The following CDK20 variants were observed in gnomAD, a reference collection of about 807,000 sequenced individuals.
CDK20 encodes cyclin-dependent kinase 20.
Under a neutral mutation model 38.6 loss-of-function variants are expected in CDK20, and 40 were observed. The observed-to-expected ratio is 1.04, with a 90% confidence interval of 0.81 to 1.35. The LOEUF (loss-of-function observed/expected upper bound fraction) is 1.35. Among genes scored for constraint, CDK20 ranks in the 40% most tolerant of loss-of-function variants. CDK20 has a pLI of 0.00. For missense variants in CDK20, 512 were observed against 452.6 expected, an observed-to-expected ratio of 1.13 and a Z score of -1.19; for synonymous variants, 209 against 185.7, an observed-to-expected ratio of 1.13 and a Z score of -1.02.
intron 1 of CDK20, 83 bp downstream of exon 1, chr9:87,974,289 G>A (rs908141822): frequency 3.3e-5 from 48 of 1,441,714 alleles, no homozygotes; most frequent in Non-Finnish European, 4.3e-5. Flanking sequence ...GATGTAAAAA[G>A]GGAACCGAAA....
At chr9:87,972,957 G>A (rs991236348) in intron 2 of CDK20, among the ~76,000 whole-genome samples, 5 of 152,092 alleles carry the variant, frequency 3.3e-5, no homozygotes, top group African/African-American at 1.2e-4. Context: ...AAATCCAACA[G>A]AAAAAGAACA....
chr9:87,969,291 G>A lies in CDK20; in HGVS notation c.746C>T (p.Pro249Leu). Residue 249 changes from proline (P) to leucine (L), a missense_variant, in exon 7 of 8, where the codon CCC becomes CTC. Coordinates refer to ENST00000325303, the MANE Select transcript of CDK20 (RefSeq NM_001039803.3). The part of the protein sequence containing the change: ...KISFKEQVPM[P>L]LEEVLPDVSP... ...GACGTCAGGCAGCACCTCCTCCAGG[G>A]GCATGGGCACCTGCTCCTTAAAGGA... 6.2e-7 allele frequency: 1 copy of A among 1,614,022 alleles called. No homozygotes were observed. Among genetic ancestry groups the A allele is most frequent in the Non-Finnish European group, 8.5e-7 (1 of 1,179,930 alleles).
At chr9:87,968,974 C>A in intron 7 of CDK20, 1 of 567,130 alleles carries the variant, frequency 1.8e-6, no homozygotes, top group Non-Finnish European at 3.1e-6. Context: ...ATGGGCCACC[C>A]TCAGGGGAAG....
At chr9:87,973,781 G>T in intron 2 of CDK20, 141 bp downstream of exon 2, 1 of 816,908 alleles carries the variant, frequency 1.2e-6, no homozygotes, top group Non-Finnish European at 1.9e-6. Context: ...TAAGGAGGCA[G>T]ATGAATGAGC....
intron 1 of CDK20, 35 bp from the exon 2 acceptor site, chr9:87,974,070 C>G: frequency 6.2e-7 from 1 of 1,613,406 alleles, no homozygotes; most frequent in Non-Finnish European, 8.5e-7. Flanking sequence ...CCAGCCCACC[C>G]TCGGCTGGGA....
In CDK20 at chr9:87,967,359, G is replaced by A; in HGVS notation, c.*103C>T. 1.7e-6 allele frequency: 2 copies of A among 1,165,928 alleles called. No homozygotes were observed. Among genetic ancestry groups the A allele is most frequent in the Non-Finnish European group, 2.5e-6 (2 of 796,244 alleles). 72.2% of individuals were successfully genotyped at this position (1,165,928 alleles called of 1,614,324 possible). ...GGGCAGGGTGTGGTGTGGGCCCACT[G>A]TGGCCATGGGGAGGCCTTGGAGGGT... On this transcript the variant is annotated 3_prime_UTR_variant, in exon 8 of 8. Coordinates refer to ENST00000325303, the MANE Select transcript of CDK20 (RefSeq NM_001039803.3).
chr9:87,967,567 C>T lies in CDK20; in HGVS notation c.936G>A (p.Lys312=), dbSNP rs775310257. The T allele has an allele frequency of 2.6e-6, 4 of 1,549,996 alleles. No homozygotes were observed. Among genetic ancestry groups the T allele is most frequent in the East Asian group, 2.4e-5 (1 of 40,898 alleles). The change falls in exon 8 of 8, where the codon AAG becomes AAA. Residue 312 remains lysine (K), a synonymous_variant. Coordinates refer to ENST00000325303, the MANE Select transcript of CDK20 (RefSeq NM_001039803.3). ...IPQRLGGPAP[K]AHPGPPHIHD... Reference sequence around the variant, plus strand: ...GGATGTGGGGGGGCCCTGGATGGGCCTTGGGGGCAGGTCCCCCTAGACGCT... The same window carrying T: ...GGATGTGGGGGGGCCCTGGATGGGCTTTGGGGGCAGGTCCCCCTAGACGCT...
At chr9:87,972,037 CTACAAAAAA>C (rs1276014880) in intron 2 of CDK20, among the ~76,000 whole-genome samples, 1 of 152,004 alleles carries the variant, frequency 6.6e-6, no homozygotes, top group African/African-American at 2.4e-5. Context: ...AACCTTGTCT[CTACAAAAAA>C]TACAAAAAAC....
At position 87,971,817 on chromosome 9, in the gene CDK20, A is replaced by G. The variant is rs571991373; in HGVS notation, c.190-482T>C. Among the ~76,000 whole-genome samples, 7 of 152,254 alleles carry G rather than the reference A, an allele frequency of 4.6e-5. No homozygotes were observed. In the East Asian group the frequency reaches 9.6e-4, roughly 21 times the overall value. On this transcript the variant is annotated intron_variant, in intron 2 of 7. Coordinates refer to ENST00000325303, the MANE Select transcript of CDK20 (RefSeq NM_001039803.3). ...CTACACAGAGAGTGAGCTGAGAGAC[A>G]GGACTCTTAATGAACTCACAGCACA...
chr9:87,969,015 A>G, intron 7 of CDK20, 179 bp downstream of exon 7: 1 of 678,386 alleles, frequency 1.5e-6, no homozygotes, highest in Non-Finnish European at 2.5e-6. Flanking sequence ...TCTACTCATG[A>G]GAGGCACACC....
chr9:87,971,808 C>A (rs958376371), intron 2 of CDK20, among the ~76,000 whole-genome samples: 1 of 152,148 alleles, frequency 6.6e-6, no homozygotes, highest in Non-Finnish European at 1.5e-5. Context: ...AGAGAGTGAG[C>A]TGAGAGACAG....
chr9:87,972,173 C>T (rs1230333632), intron 2 of CDK20, among the ~76,000 whole-genome samples: 1 of 152,112 alleles, frequency 6.6e-6, no homozygotes, highest in Non-Finnish European at 1.5e-5. Context: ...CTTCTACACT[C>T]CAGCCTGGGT....
intron 5 of CDK20, 53 bp from the exon 6 acceptor site, chr9:87,969,972 A>C: frequency 1.3e-6 from 2 of 1,509,414 alleles, no homozygotes; most frequent in Non-Finnish European, 1.8e-6. Context: ...TGGACCACAG[A>C]CCCACCCACA....
At position 87,967,121 on chromosome 9, in the gene CDK20, C is replaced by T. The variant is rs536119533; in HGVS notation, c.*341G>A. On this transcript the variant is annotated 3_prime_UTR_variant, in exon 8 of 8. Coordinates refer to ENST00000325303, the MANE Select transcript of CDK20 (RefSeq NM_001039803.3). ...TTCTCCTTGACCAGGAGGCAGCACT[C>T]GGGGAAGCAGCACCAAGGCAGGCAT... 215 of 579,776 alleles carry T rather than the reference C, an allele frequency of 3.7e-4. 3 individuals carry two copies. Among genetic ancestry groups the T allele is most frequent in the South Asian group, 2.0e-3 (144 of 72,126 alleles). The allele number at this position is 579,776 out of a possible 1,614,324, so 35.9% of individuals were successfully genotyped here.
At chr9:87,970,082 C>G (rs1389185262) in intron 5 of CDK20, 163 bp from the exon 6 acceptor site, 8 of 736,472 alleles carry the variant, frequency 1.1e-5, no homozygotes, top group Non-Finnish European at 2.1e-6. Context: ...GCCCTCAACC[C>G]TAGAACCCAG....
In CDK20 at chr9:87,971,184, C is replaced by A; in HGVS notation, c.341G>T (p.Gly114Val). ...GTTGTTGGCATGGCAGAAGGCGACA[C>A]CCTTGAGCAGCATCTGCAGGTAGCT... is the stretch of plus-strand genomic sequence containing the variant. ...VKSYLQMLLK[G>V]VAFCHANNIV... Residue 114 changes from glycine to valine, a missense_variant, in exon 3 of 8, where the codon GGT becomes GTT. Coordinates refer to ENST00000325303, the MANE Select transcript of CDK20 (RefSeq NM_001039803.3). 1 of 1,614,228 alleles carries A rather than the reference C, an allele frequency of 6.2e-7. No homozygotes were observed. Among genetic ancestry groups the A allele is most frequent in the East Asian group, 2.2e-5 (1 of 44,882 alleles).
chr9:87,970,058 C>T (rs1052538169), intron 5 of CDK20, 139 bp from the exon 6 acceptor site: 1 of 977,194 alleles, frequency 1.0e-6, no homozygotes, highest in Non-Finnish European at 1.5e-6. Flanking sequence ...AGGCCCAGTC[C>T]CTGAACCCTC....
chr9:87,967,741 T>C (rs538972933), intron 7 of CDK20, 82 bp from the exon 8 acceptor site: 1 of 1,207,106 alleles, frequency 8.3e-7, no homozygotes, highest in Non-Finnish European at 1.1e-6. Flanking sequence ...CCTTCATCTA[T>C]GCATTCAGCT....
In CDK20 at chr9:87,971,403, C is replaced by A. The variant is rs953872769; in HGVS notation, c.190-68G>T. 7.0e-6 allele frequency: 10 copies of A among 1,421,744 alleles called. No individual in the cohort carries two copies. In the Admixed American group the frequency reaches 2.0e-4, roughly 29 times the overall value. The allele number at this position is 1,421,744 out of a possible 1,614,324, so 88.1% of individuals were successfully genotyped here. On this transcript the variant is annotated intron_variant, in intron 2 of 7. Coordinates refer to ENST00000325303, the MANE Select transcript of CDK20 (RefSeq NM_001039803.3). ...AGACCCTCTCTGTGACCCTGAGACC[C>A]CAGCCCATGCCCTGACAGAGGACCC...
Sources: allele counts gnomAD v4.1 joint callset (sites outside exome capture counted in the v4.1 genomes callset), GRCh38; gene constraint gnomAD v4.1.1; transcripts MANE v1.5; gene names NCBI Gene and HGNC (gene_info 2026-07-23, HGNC 2026-07-21).